TSPYL2: variants seen among roughly 807,000 people sequenced by gnomAD.
TSPYL2 encodes the protein testis-specific Y-encoded-like protein 2.
TSPYL2 carries 9 observed loss-of-function variants against 33.0 expected under a neutral mutation model. The ratio of observed to expected loss-of-function variants is 0.27; its 90% CI spans 0.16 to 0.48. The LOEUF (loss-of-function observed/expected upper bound fraction) is 0.48. TSPYL2 is among the 20% of genes least tolerant of loss of function. The pLI is 0.99. For synonymous variants in TSPYL2, 330 were observed against 233.6 expected (o/e 1.41, Z -3.77); for missense variants, 636 against 586.2 (o/e 1.08, Z -0.88).
In TSPYL2 at chrX:53,088,184, GTATT is replaced by G; in HGVS notation, c.*250_*253del. 2.6e-6 allele frequency: 1 copy of G among 378,652 alleles called. No individual in the cohort carries two copies. 31.2% of individuals were successfully genotyped at this position (378,652 alleles called of 1,213,427 possible). A position where few individuals can be genotyped will look rare whatever the true frequency, so the allele number is the denominator to read the frequency against. On this transcript the variant is annotated 3_prime_UTR_variant, in exon 7 of 7. Transcript: ENST00000375442. ...CGCAGGCTTCTGTGTGCTGCTAACTGTATTTATTGTGATGCCTTGGTCAGGGCCC... is the reference window on the plus strand; with the variant it reads ...CGCAGGCTTCTGTGTGCTGCTAACTGTATTGTGATGCCTTGGTCAGGGCCC...
rs1222766539 is a variant in TSPYL2, at chrX:53,082,551, C to G, written c.53C>G (p.Ser18Cys). The stretch of plus-strand genomic sequence containing the variant: ...GCCAAGACCCGCCGCCTGAGCAGCT[C>G]CGAGTCTCCACAGCGCGACCCGCCC... ...PPAKTRRLSSSESPQRDPPPP... is the reference protein window; with the variant it reads ...PPAKTRRLSSCESPQRDPPPP... Residue 18 changes from serine to cysteine, a missense_variant, in exon 1 of 7, where the codon TCC (serine) becomes TGC (cysteine). Around this residue, in one of 3 missense-constraint regions of TSPYL2, gnomAD observed 231 missense variants for 201.6 expected, o/e 1.15. Coordinates refer to ENST00000375442, the MANE Select transcript of TSPYL2 (RefSeq NM_022117.4). 22 of 1,155,804 alleles carry G rather than the reference C, an allele frequency of 1.9e-5. No individual in the cohort carries two copies. Among genetic ancestry groups the G allele is most frequent in the Non-Finnish European group, 2.5e-5 (22 of 872,133 alleles).
intron 6 of TSPYL2, chrX:53,086,552 A>G: frequency 2.4e-6 from 1 of 421,860 alleles, no homozygotes; most frequent in South Asian, 3.5e-5. Context: ...GAAGATGAAG[A>G]GTACACAGAG....
rs782790882 is a variant in TSPYL2 at position 53,082,764 on chromosome X, C to T, written c.266C>T (p.Thr89Met). Residue 89 changes from threonine to methionine, a missense_variant, in exon 1 of 7, where the codon ACG (threonine) becomes ATG (methionine). Physicochemically the swap from Thr to Met is moderately conservative, Grantham distance 81. This residue lies in a region of TSPYL2 where 231 missense variants were observed against 201.6 expected (regional missense o/e 1.15). Coordinates refer to ENST00000375442, the MANE Select transcript of TSPYL2 (RefSeq NM_022117.4). ...LEEGGIRAYF[T>M]LGAECPGWDS... ...GAGGGGGGGATCCGCGCATACTTCA[C>T]GCTCGGTGCTGAGTGTCCCGGCTGG... 1 of 1,187,450 alleles carries T rather than the reference C, an allele frequency of 8.4e-7. No homozygotes were observed. Among genetic ancestry groups the T allele is most frequent in the Non-Finnish European group, 1.1e-6 (1 of 885,619 alleles).
Position 53,082,561 on chromosome X carries a change from A to G in TSPYL2, c.63A>G (p.Pro21=). 8.7e-7 allele frequency: 1 copy of G among 1,154,803 alleles called. No homozygotes were observed. The highest frequency in any genetic ancestry group is 1.8e-5 in the African/African-American group (1 of 55,615). ...KTRRLSSSES[P]QRDPPPPPPP... is the part of the protein sequence containing the mutation. Reference sequence around the variant, plus strand: ...GCCGCCTGAGCAGCTCCGAGTCTCCACAGCGCGACCCGCCCCCGCCGCCGC... The same window carrying G: ...GCCGCCTGAGCAGCTCCGAGTCTCCGCAGCGCGACCCGCCCCCGCCGCCGC... Residue 21 remains proline (P), a synonymous_variant, in exon 1 of 7, where the codon CCA becomes CCG. Coordinates refer to ENST00000375442, the MANE Select transcript of TSPYL2 (RefSeq NM_022117.4).
intron 2 of TSPYL2, 65 bp from the exon 3 acceptor site, chrX:53,084,689 TG>T: frequency 8.8e-7 from 1 of 1,130,715 alleles, no homozygotes; most frequent in South Asian, 1.8e-5. Context: ...TGACGGGAGG[TG>T]GGTGGGAAGG....
Position 53,087,790 on chromosome X carries a change from G to A in TSPYL2, c.1933G>A (p.Glu645Lys), listed in dbSNP as rs989601893. Residue 645 changes from glutamate (E) to lysine (K), a missense_variant, in exon 7 of 7, where the codon GAG (glutamate) becomes AAG (lysine). By Grantham distance (56) the Glu-to-Lys change is moderately conservative (BLOSUM62 1). This residue lies in a region of TSPYL2 where 401 missense variants were observed against 363.0 expected (regional missense o/e 1.10). Transcript: ENST00000375442. ...CCCCTATGCAGGCATCCAGCAAGAT[G>A]AGGACATCTATGAGGAAGGAAACTA... ...EGIEEGIQQD[E>K]DIYEEGNYEE... 1.7e-6 allele frequency: 2 copies of A among 1,210,105 alleles called. No homozygotes were observed. The highest frequency in any genetic ancestry group is 1.7e-5 in the African/African-American group (1 of 57,871).
In TSPYL2 at chrX:53,088,330, A is replaced by G. The variant is rs1320692551; in HGVS notation, c.*391A>G. ...GCTGTGGCCTTCGTCACAGCCGCGCAGTGCCCATGGAGGCGCTGCTGCCAC... is the reference window on the plus strand; with the variant it reads ...GCTGTGGCCTTCGTCACAGCCGCGCGGTGCCCATGGAGGCGCTGCTGCCAC... On this transcript the variant is annotated 3_prime_UTR_variant, in exon 7 of 7. Coordinates refer to ENST00000375442, the MANE Select transcript of TSPYL2 (RefSeq NM_022117.4). 6.8e-6 allele frequency: 1 copy of G among 147,948 alleles called. No homozygotes were observed. Among genetic ancestry groups the G allele is most frequent in the Non-Finnish European group, 1.3e-5 (1 of 75,609 alleles). 12.2% of individuals were successfully genotyped at this position (147,948 alleles called of 1,213,427 possible).
Position 53,082,670 on chromosome X carries a change from C to T in TSPYL2, c.172C>T (p.Leu58=). ...GGAGGAAACGGAGGCGGCACAGGTGCTGGCCGATATGAGGGGGGTGGGACT... is the reference window on the plus strand; with the variant it reads ...GGAGGAAACGGAGGCGGCACAGGTGTTGGCCGATATGAGGGGGGTGGGACT... ...LQEETEAAQV[L]ADMRGVGLGP... The change falls in exon 1 of 7, where the codon CTG becomes TTG. Residue 58 remains leucine (L), a synonymous_variant. Coordinates refer to ENST00000375442, the MANE Select transcript of TSPYL2 (RefSeq NM_022117.4). 4.3e-6 allele frequency: 5 copies of T among 1,152,835 alleles called. No homozygotes were observed. Among genetic ancestry groups the T allele is most frequent in the South Asian group, 2.0e-5 (1 of 50,313 alleles).
In TSPYL2 at chrX:53,085,976, C is replaced by T. The variant is rs782698657; in HGVS notation, c.1584C>T (p.Asn528=). The T allele has an allele frequency of 1.0e-5, 12 of 1,193,355 alleles. No homozygotes were observed. The highest frequency in any genetic ancestry group is 5.3e-5 in the African/African-American group (3 of 56,723). ...PEDNNKNTDD[N]EENPNNNENT... ...ACAATAACAAGAACACTGATGACAA[C>T]GAAGAGAACCCTAACAACAACGAGA... is the stretch of plus-strand genomic sequence containing the variant. Residue 528 remains asparagine (N), a synonymous_variant, in exon 6 of 7, where the codon AAC becomes AAT. Coordinates refer to ENST00000375442, the MANE Select transcript of TSPYL2 (RefSeq NM_022117.4).
At position 53,087,868 on chromosome X, in the gene TSPYL2, T is replaced by C; in HGVS notation, c.2011T>C (p.Ser671Pro). ...VWEEGEDSDD[S>P]DLEDVLQVPN... is the part of the protein sequence containing the mutation. ...GGAAGAAGGGGAAGATTCGGACGACTCTGACCTAGAGGATGTGCTTCAGGT... is the reference window on the plus strand; with the variant it reads ...GGAAGAAGGGGAAGATTCGGACGACCCTGACCTAGAGGATGTGCTTCAGGT... Residue 671 changes from serine to proline, a missense_variant, in exon 7 of 7, where the codon TCT becomes CCT. By Grantham distance (74) the Ser-to-Pro change is moderately conservative (BLOSUM62 -1). This residue lies in a region of TSPYL2 where 401 missense variants were observed against 363.0 expected (regional missense o/e 1.10). Coordinates refer to ENST00000375442, the MANE Select transcript of TSPYL2 (RefSeq NM_022117.4). 7 of 1,211,900 alleles carry C rather than the reference T, an allele frequency of 5.8e-6. No homozygotes were observed. Among genetic ancestry groups the C allele is most frequent in the Non-Finnish European group, 7.8e-6 (7 of 895,448 alleles).
chrX:53,085,490 C>A (rs1932746339), intron 5 of TSPYL2, 141 bp from the exon 6 acceptor site: 3 of 754,727 alleles, frequency 4.0e-6, no homozygotes, highest in Non-Finnish European at 3.8e-6. Context: ...CAGTCAGGGG[C>A]AGAAGTGGGA....
Position 53,086,009 on chromosome X carries a change from C to T in TSPYL2, c.1617C>T (p.Tyr539=), listed in dbSNP as rs367714830. Reference sequence around the variant, plus strand: ...ACCCTAACAACAACGAGAACACTTACGGCAACAACTTCTTCAAAGGTGGCT... The same window carrying T: ...ACCCTAACAACAACGAGAACACTTATGGCAACAACTTCTTCAAAGGTGGCT... The part of the protein sequence containing the change: ...EENPNNNENT[Y]GNNFFKGGFW... The change falls in exon 6 of 7, where the codon TAC becomes TAT. Residue 539 remains tyrosine, a synonymous_variant. Transcript: ENST00000375442. 260 of 1,176,294 alleles carry T rather than the reference C, an allele frequency of 2.2e-4. No homozygotes were observed. Among genetic ancestry groups the T allele is most frequent in the South Asian group, 3.4e-4 (18 of 53,367 alleles).
At position 53,083,260 on chromosome X, in the gene TSPYL2, C is replaced by T. The variant is rs1200420409; in HGVS notation, c.762C>T (p.Arg254=). 34 of 1,207,883 alleles carry T rather than the reference C, an allele frequency of 2.8e-5. No individual in the cohort carries two copies. Among genetic ancestry groups the T allele is most frequent in the Non-Finnish European group, 3.7e-5 (33 of 894,744 alleles). ...FIQMRRPFLE[R]RDLIIQHIPG... The stretch of plus-strand genomic sequence containing the variant: ...AGATGCGAAGACCCTTCCTGGAGCG[C>T]AGAGACCTCATCATCCAGCATATCC... The change falls in exon 1 of 7, where the codon CGC becomes CGT. Residue 254 remains arginine, a synonymous_variant. Coordinates refer to ENST00000375442, the MANE Select transcript of TSPYL2 (RefSeq NM_022117.4).
chrX:53,084,655 G>A (rs1556807883), intron 2 of TSPYL2, 33 bp downstream of exon 2: 1 of 1,200,408 alleles, frequency 8.3e-7, no homozygotes, highest in Non-Finnish European at 1.1e-6. Flanking sequence ...TAGTAGGATC[G>A]GGCACGAATC....
At chrX:53,085,430 A>G in intron 5 of TSPYL2, 109 bp downstream of exon 5, 1 of 779,589 alleles carries the variant, frequency 1.3e-6, no homozygotes, top group East Asian at 3.3e-5. Flanking sequence ...ATCCCAGTGG[A>G]ATATGTTTTA....
chrX:53,083,412 C>T, intron 1 of TSPYL2, 107 bp downstream of exon 1: 2 of 752,915 alleles, frequency 2.7e-6, no homozygotes, highest in Non-Finnish European at 4.0e-6. Flanking sequence ...CAGAGGTGGG[C>T]ATGATCCCCC....
chrX:53,085,580 G>C, intron 5 of TSPYL2, 51 bp from the exon 6 acceptor site: 1 of 1,153,946 alleles, frequency 8.7e-7, no homozygotes, highest in Non-Finnish European at 1.2e-6. Context: ...TGAGTGCTAT[G>C]AGTACACCAC....
chrX:53,086,207 C>T lies in TSPYL2; in HGVS notation c.1815C>T (p.Tyr605=), dbSNP rs374557551. ...ATGATGACGACAGAGACATTGAGTA[C>T]TATGAGAAAGTTATTGAAGACTTTG... The part of the protein sequence containing the change: ...GSDDDDRDIE[Y]YEKVIEDFDK... The change falls in exon 6 of 7, where the codon TAC becomes TAT. Residue 605 remains tyrosine (Y), a synonymous_variant. Coordinates refer to ENST00000375442, the MANE Select transcript of TSPYL2 (RefSeq NM_022117.4). 112 of 1,209,279 alleles carry T rather than the reference C, an allele frequency of 9.3e-5. No homozygotes were observed. The highest frequency in any genetic ancestry group is 1.2e-4 in the Non-Finnish European group (110 of 894,958).
Position 53,084,961 on chromosome X carries a change from G to A in TSPYL2, c.1005G>A (p.Leu335=), listed in dbSNP as rs1556808026. 2 of 1,210,165 alleles carry A rather than the reference G, an allele frequency of 1.7e-6. No individual in the cohort carries two copies. Among genetic ancestry groups the A allele is most frequent in the Admixed American group, 4.4e-5 (2 of 45,923 alleles). Residue 335 remains leucine (L), a synonymous_variant, in exon 4 of 7, where the codon CTG becomes CTA. Transcript: ENST00000375442. ...KEFQRNRSGR[L]VSHSTPIRWH... ...AGCCTTCTCTCTCCCTAGGCCGGCT[G>A]GTGTCTCACTCAACCCCAATCCGCT...
Sources: gnomAD v4.1 joint callset for allele counts on GRCh38, gnomAD v4.1.1 for gene constraint, gnomAD v4.1.1 regional missense constraint, MANE v1.5 for transcripts, NCBI Gene and HGNC (gene_info 2026-07-23, HGNC 2026-07-21) for gene names.